Variants in PCDH7 observed in about 807,000 individuals in gnomAD.
PCDH7 encodes the protein protocadherin 7, also known as protocadherin-7.
A neutral mutation model predicts 58.9 loss-of-function variants in PCDH7; 17 were observed. The observed-to-expected ratio is 0.29, with a 90% CI of 0.20 to 0.43. The LOEUF (loss-of-function observed/expected upper bound fraction) is 0.43. Ranked by LOEUF, PCDH7 falls within the 20% of genes least tolerant of loss-of-function variation. The pLI, the probability that PCDH7 is intolerant of heterozygous loss-of-function variation, is 1.00. For synonymous variants in PCDH7, 664 were observed against 616.4 expected (o/e 1.08, Z -1.14); for missense variants, 1,274 against 1,441.0 (o/e 0.88, Z 1.88).
At chr4:30,841,966 AT>A (rs1375441156) in intron 1 of PCDH7, among the ~76,000 whole-genome samples, 1 of 147,780 alleles carries the variant, frequency 6.8e-6, no homozygotes, top group African/African-American at 2.7e-5. Flanking sequence ...AATATTATAT[AT>A]TTTTTTAGGA....
chr4:30,899,677 C>G (rs189681657), intron 1 of PCDH7, among the ~76,000 whole-genome samples: 46 of 152,288 alleles, frequency 3.0e-4, no homozygotes, highest in Non-Finnish European at 5.6e-4. Flanking sequence ...ATTTTCCTCA[C>G]TATCCTTATA....
At chr4:31,076,702 A>G (rs1759024135) in intron 3 of PCDH7, among the ~76,000 whole-genome samples, 2 of 152,188 alleles carry the variant, frequency 1.3e-5, no homozygotes, top group South Asian at 4.1e-4. Context: ...ATATTATAGC[A>G]ATTATTTTAT....
At position 30,945,601 on chromosome 4, in the gene PCDH7, A is replaced by G. The variant is rs1035664325; in HGVS notation, c.288-4519A>G. 6.6e-5 allele frequency among the ~76,000 whole-genome samples: 10 copies of G among 152,210 alleles called. No individual in the cohort carries two copies. In the East Asian group the frequency reaches 7.7e-4, roughly 12 times the overall value. ...CTACACAACGCTTTTTTTTTAAACAAGTATTCTCTATTTATTTTTTTTAAT... is the reference window on the plus strand; with the variant it reads ...CTACACAACGCTTTTTTTTTAAACAGGTATTCTCTATTTATTTTTTTTAAT... On this transcript the variant is annotated intron_variant, in intron 2 of 3. Transcript: ENST00000509759.
intron 3 of PCDH7, among the ~76,000 whole-genome samples, chr4:31,068,363 C>G (rs1299048097): frequency 6.6e-6 from 1 of 151,682 alleles, no homozygotes; most frequent in African/African-American, 2.4e-5. Flanking sequence ...CCATCGCATT[C>G]AGCTAACACA....
intron 1 of PCDH7, among the ~76,000 whole-genome samples, chr4:30,918,034 G>A (rs920474908): frequency 3.3e-5 from 5 of 151,944 alleles, no homozygotes; most frequent in African/African-American, 1.2e-4. Context: ...TGTTAATGAA[G>A]GTATTCTAAA....
chr4:30,945,686 T>C (rs1013206938), intron 2 of PCDH7, among the ~76,000 whole-genome samples: 2 of 152,202 alleles, frequency 1.3e-5, no homozygotes, highest in African/African-American at 2.4e-5. Flanking sequence ...TTATGCACTT[T>C]GTAATTTGAA....
At chr4:30,889,529 A>G (rs1387372211) in intron 1 of PCDH7, among the ~76,000 whole-genome samples, 1 of 152,132 alleles carries the variant, frequency 6.6e-6, no homozygotes, top group East Asian at 1.9e-4. Flanking sequence ...AAAATCTTCT[A>G]TGTGGTCAGC....
intron 1 of PCDH7, among the ~76,000 whole-genome samples, chr4:30,902,284 G>A (rs994660521): frequency 6.6e-5 from 10 of 152,100 alleles, no homozygotes; most frequent in African/African-American, 2.4e-4. Flanking sequence ...GCCCAGCCCT[G>A]TATCTCTGTG....
At chr4:30,856,319 C>T (rs951478853) in intron 1 of PCDH7, among the ~76,000 whole-genome samples, 4 of 152,000 alleles carry the variant, frequency 2.6e-5, no homozygotes, top group Admixed American at 6.6e-5. Context: ...ATTCTTCTCC[C>T]ACCACGTATG....
At chr4:30,987,893 G>T (rs1459479437) in intron 3 of PCDH7, 1 of 152,084 alleles carries the variant, frequency 6.6e-6, no homozygotes, top group Non-Finnish European at 1.5e-5. Flanking sequence ...GTGCCAAGGA[G>T]GAAAGAACCC....
Position 30,722,081 on chromosome 4 carries a change from G to C in PCDH7, c.659G>C (p.Gly220Ala). The change falls in exon 1 of 2, where the codon GGA becomes GCA. Residue 220 changes from glycine to alanine, a missense_variant. Gly to Ala is a moderately conservative substitution (Grantham distance 60). Coordinates refer to ENST00000361762, the Ensembl canonical transcript of PCDH7. This position sits in a 1 kb window ranked among gnomAD's most constrained non-coding sequence, Gnocchi z 7.6. ...AACGGCGCGAGCGGCGGCGGCTCGG[G>C]AGGCTCCAAGCGGCGGCTGGACGCA... is the stretch of plus-strand genomic sequence containing the variant. 3.1e-6 allele frequency: 4 copies of C among 1,298,602 alleles called. No homozygotes were observed. Among genetic ancestry groups the C allele is most frequent in the Non-Finnish European group, 1.9e-6 (2 of 1,027,510 alleles). 80.4% of individuals were successfully genotyped at this position (1,298,602 alleles called of 1,614,324 possible). A position where few individuals can be genotyped will look rare whatever the true frequency, so the allele number is the denominator to read the frequency against.
chr4:31,122,439 A>G (rs1406493573), intron 3 of PCDH7, among the ~76,000 whole-genome samples: 1 of 152,120 alleles, frequency 6.6e-6, no homozygotes, highest in Non-Finnish European at 1.5e-5. Flanking sequence ...TTTCCCTTTT[A>G]ATTCTCTTGC....
intron 1 of PCDH7, among the ~76,000 whole-genome samples, chr4:30,824,462 A>T (rs573814281): frequency 2.6e-5 from 4 of 152,178 alleles, no homozygotes; most frequent in African/African-American, 9.6e-5. Flanking sequence ...TTTTGGATGG[A>T]TGGTATACGT....
chr4:30,917,740 C>T (rs9996030), intron 1 of PCDH7, among the ~76,000 whole-genome samples: 99,976 of 151,860 alleles, frequency 0.66, 32,915 homozygotes, highest in South Asian at 0.67. Flanking sequence ...GCAGTCATTA[C>T]ATAGTACATT....
chr4:31,051,247 C>T (rs530224146), intron 3 of PCDH7, among the ~76,000 whole-genome samples: 39 of 152,258 alleles, frequency 2.6e-4, no homozygotes, highest in African/African-American at 9.1e-4. Context: ...GATGTGTTTA[C>T]ATGACTGTTT....
chr4:30,837,913 AT>A (rs1424911264), intron 1 of PCDH7, among the ~76,000 whole-genome samples: 26 of 148,710 alleles, frequency 1.7e-4, no homozygotes, highest in African/African-American at 6.3e-4. Context: ...ATATATATAT[AT>A]ATAACATTAT....
At chr4:30,841,966 A>T (rs546465055) in intron 1 of PCDH7, among the ~76,000 whole-genome samples, 5 of 147,894 alleles carry the variant, frequency 3.4e-5, no homozygotes, top group African/African-American at 1.3e-4. Context: ...AATATTATAT[A>T]TTTTTTTAGG....
chr4:30,759,994 G>A (rs1466525723), intron 1 of PCDH7, among the ~76,000 whole-genome samples: 2 of 151,860 alleles, frequency 1.3e-5, no homozygotes, highest in African/African-American at 4.8e-5. Flanking sequence ...TCAAAATAGT[G>A]GCACCTCCTC....
At chr4:30,880,068 A>C (rs2109369936) in intron 1 of PCDH7, among the ~76,000 whole-genome samples, 1 of 152,242 alleles carries the variant, frequency 6.6e-6, no homozygotes, top group South Asian at 2.1e-4. Flanking sequence ...TGACTCATGG[A>C]ATATTTAATG....
Sources: gnomAD v4.1 joint callset for allele counts (sites outside exome capture counted in the v4.1 genomes callset) on GRCh38, gnomAD v4.1.1 for gene constraint, Gnocchi (gnomAD v3.1) non-coding constraint, MANE v1.5 for transcripts, NCBI Gene and HGNC (gene_info 2026-07-23, HGNC 2026-07-21) for gene names.